Variants in MTUS1 observed in about 807,000 individuals in gnomAD.
MTUS1 encodes the protein microtubule-associated tumor suppressor 1.
MTUS1 carries 109 observed loss-of-function variants against 120.8 expected under a neutral mutation model. The ratio of observed to expected loss-of-function variants is 0.90; its 90% confidence interval spans 0.77 to 1.06. MTUS1 has a LOEUF of 1.06. Among genes scored for constraint, MTUS1 ranks in the 50% least tolerant of loss-of-function variants. MTUS1 has a pLI of 0.00. For missense variants in MTUS1, 2,210 were observed against 1,486.3 expected, an observed-to-expected ratio of 1.49 and a Z score of -8.01; for synonymous variants, 737 against 550.5, an observed-to-expected ratio of 1.34 and a Z score of -4.74.
intron 8 of MTUS1, among the ~76,000 whole-genome samples, chr8:17,671,654 G>A (rs1196633474): frequency 6.6e-6 from 1 of 152,230 alleles, no homozygotes; most frequent in Non-Finnish European, 1.5e-5. Flanking sequence ...AAGGTGGAAA[G>A]CACAGACTCT....
rs115943121 is a variant in MTUS1, at chr8:17,693,015, A to G, written c.2624-8473T>C. 3.1e-3 allele frequency among the ~76,000 whole-genome samples: 475 copies of G among 152,242 alleles called. 4 individuals carry two copies. The highest frequency in any genetic ancestry group is 9.2e-3 in the African/African-American group (381 of 41,540). On this transcript the variant is annotated intron_variant, in intron 6 of 14. Coordinates refer to ENST00000693296, the MANE Select transcript of MTUS1 (RefSeq NM_001363059.2). ...AAGAATTCTGTCTTTAGCGTACTGA[A>G]TTGCCTTCACTGGAGTCAAGAAGGA...
intron 2 of MTUS1, among the ~76,000 whole-genome samples, chr8:17,747,856 C>T (rs1441986695): frequency 6.6e-6 from 1 of 152,126 alleles, no homozygotes; most frequent in African/African-American, 2.4e-5. Context: ...ACAATCATGG[C>T]AGAGGGCAAG....
At chr8:17,656,809 C>T (rs1345482992) in intron 8 of MTUS1, among the ~76,000 whole-genome samples, 5 of 151,272 alleles carry the variant, frequency 3.3e-5, no homozygotes, top group East Asian at 4.0e-4. Context: ...CGGTGGCTCA[C>T]GCCTGTAATC....
intron 1 of MTUS1, among the ~76,000 whole-genome samples, chr8:17,771,739 A>G (rs2050038774): frequency 6.6e-6 from 1 of 152,184 alleles, no homozygotes; most frequent in Admixed American, 6.5e-5. Context: ...CAATTTTACT[A>G]TTTTCCGATA....
chr8:17,731,618 A>C (rs2131178416), intron 3 of MTUS1, among the ~76,000 whole-genome samples: 1 of 152,336 alleles, frequency 6.6e-6, no homozygotes, highest in East Asian at 1.9e-4. Flanking sequence ...AAGTTAAAGG[A>C]AACAATGTAT....
At chr8:17,767,685 C>A (rs1184432883) in intron 1 of MTUS1, among the ~76,000 whole-genome samples, 3 of 93,854 alleles carry the variant, frequency 3.2e-5, no homozygotes, top group Non-Finnish European at 6.6e-5. Context: ...GGTGATAGAG[C>A]AAGACCCTGT....
chr8:17,658,962 T>G (rs1168330468), intron 8 of MTUS1, among the ~76,000 whole-genome samples: 1 of 95,420 alleles, frequency 1.0e-5, no homozygotes, highest in Admixed American at 1.1e-4. Context: ...GGCAAAGATT[T>G]AACATTAAAA....
At chr8:17,780,517 C>T (rs556853603) in intron 1 of MTUS1, among the ~76,000 whole-genome samples, 5 of 152,308 alleles carry the variant, frequency 3.3e-5, no homozygotes, top group African/African-American at 4.8e-5. Flanking sequence ...ACAAAAGACA[C>T]CATGAATATA....
intron 3 of MTUS1, chr8:17,724,060 G>A (rs2046033074): frequency 3.5e-6 from 2 of 573,404 alleles, no homozygotes; most frequent in South Asian, 3.7e-5. Context: ...TAGGATATGA[G>A]AAGTGTAGGA....
intron 2 of MTUS1, among the ~76,000 whole-genome samples, chr8:17,744,580 A>G (rs940664424): frequency 6.7e-6 from 1 of 150,316 alleles, no homozygotes; most frequent in Middle Eastern, 3.3e-3. Context: ...ACCACCATCA[A>G]TCTTTTTACT....
intron 1 of MTUS1, among the ~76,000 whole-genome samples, chr8:17,765,587 C>T (rs981763769): frequency 1.4e-5 from 2 of 146,366 alleles, no homozygotes; most frequent in Non-Finnish European, 3.0e-5. Flanking sequence ...CCACTGCACT[C>T]CAGCCTAGGA....
chr8:17,657,004 A>G (rs1348216411), intron 8 of MTUS1, among the ~76,000 whole-genome samples: 1 of 139,292 alleles, frequency 7.2e-6, no homozygotes, highest in East Asian at 2.3e-4. Flanking sequence ...GCTTCCAGTG[A>G]GCCGAGATTG....
intron 12 of MTUS1, 125 bp from the exon 13 acceptor site, chr8:17,650,087 A>T: frequency 1.4e-6 from 1 of 700,612 alleles, no homozygotes; most frequent in Non-Finnish European, 2.6e-6. Flanking sequence ...ATCTTAGAGC[A>T]ATTTCAAAGA....
intron 8 of MTUS1, among the ~76,000 whole-genome samples, chr8:17,666,938 T>A (rs1206294694): frequency 6.6e-6 from 1 of 152,192 alleles, no homozygotes; most frequent in Non-Finnish European, 1.5e-5. Flanking sequence ...GCAATGGGCA[T>A]GAGAACTGAG....
intron 1 of MTUS1, among the ~76,000 whole-genome samples, chr8:17,789,222 G>C (rs894975375): frequency 6.6e-6 from 1 of 152,108 alleles, no homozygotes; most frequent in African/African-American, 2.4e-5. Flanking sequence ...AGTAGATACA[G>C]GGTTTCTCCA....
chr8:17,712,296 G>C (rs950408656), intron 6 of MTUS1, among the ~76,000 whole-genome samples: 8 of 151,988 alleles, frequency 5.3e-5, no homozygotes, highest in African/African-American at 1.9e-4. Flanking sequence ...GACAATGTAG[G>C]CAGTGTACAG....
chr8:17,685,642 C>A (rs1585683231), intron 6 of MTUS1, among the ~76,000 whole-genome samples: 1 of 152,216 alleles, frequency 6.6e-6, no homozygotes, highest in East Asian at 1.9e-4. Context: ...CATCAGTACT[C>A]ACTTTCTAAG....
At chr8:17,797,858 T>C (rs1035734114) in intron 1 of MTUS1, among the ~76,000 whole-genome samples, 2 of 152,186 alleles carry the variant, frequency 1.3e-5, no homozygotes, top group African/African-American at 2.4e-5. Flanking sequence ...GTGAGGACTT[T>C]CAGGGTATAT....
intron 6 of MTUS1, among the ~76,000 whole-genome samples, chr8:17,703,161 G>A (rs1351175613): frequency 6.6e-6 from 1 of 152,144 alleles, no homozygotes; most frequent in Non-Finnish European, 1.5e-5. Context: ...TGCGCGGTCG[G>A]GCAGAATACA....
Sources: gnomAD v4.1 joint callset for allele counts (sites outside exome capture counted in the v4.1 genomes callset) on GRCh38, gnomAD v4.1.1 for gene constraint, MANE v1.5 for transcripts, NCBI Gene and HGNC (gene_info 2026-07-23, HGNC 2026-07-21) for gene names.